GPM6A: variants seen among roughly 807,000 people sequenced by gnomAD.
GPM6A encodes neuronal membrane glycoprotein M6-a.
GPM6A carries 7 observed loss-of-function variants against 32.1 expected under a neutral mutation model. The ratio of observed to expected loss-of-function variants is 0.22; its 90% CI spans 0.12 to 0.41. The LOEUF (loss-of-function observed/expected upper bound fraction) is 0.41, where lower values mean the gene tolerates loss of function less well. Among genes scored for constraint, GPM6A ranks in the 10% least tolerant of loss-of-function variants. GPM6A has a pLI of 1.00. For synonymous variants in GPM6A, 130 were observed against 123.4 expected, an observed-to-expected ratio of 1.05 and a Z score of -0.35; for missense variants, 235 against 347.2, an observed-to-expected ratio of 0.68 and a Z score of 2.57.
intron 1 of GPM6A, among the ~76,000 whole-genome samples, chr4:175,959,557 G>A (rs1028768010): frequency 2.0e-5 from 3 of 152,158 alleles, no homozygotes; most frequent in Admixed American, 6.5e-5. Context: ...AGCTTTAGGA[G>A]AACTGGGATG....
At chr4:175,769,500 G>C (rs1451419473) in intron 1 of GPM6A, among the ~76,000 whole-genome samples, 1 of 152,124 alleles carries the variant, frequency 6.6e-6, no homozygotes, top group Non-Finnish European at 1.5e-5. Context: ...ACAAATCAAT[G>C]GACCTTTTTG....
intron 4 of GPM6A, among the ~76,000 whole-genome samples, chr4:175,650,710 CACACAGCTAGTTGGCTA>C: frequency 6.6e-6 from 1 of 152,250 alleles, no homozygotes; most frequent in East Asian, 1.9e-4. Flanking sequence ...CTGTTCTGAA[CACACAGCTAGTTGGCTA>C]CCCTATAATC....
intron 1 of GPM6A, among the ~76,000 whole-genome samples, chr4:175,830,135 G>C (rs143566878): frequency 6.6e-6 from 1 of 152,200 alleles, no homozygotes; most frequent in Non-Finnish European, 1.5e-5. Context: ...TGAATATGGA[G>C]AGGTGGGGGC....
intron 1 of GPM6A, among the ~76,000 whole-genome samples, chr4:175,867,632 T>C (rs1472981877): frequency 6.6e-6 from 1 of 152,232 alleles, no homozygotes; most frequent in Admixed American, 6.5e-5. Context: ...TCTATTTCTA[T>C]TTCCATAGAT....
rs1278017761 is a variant in GPM6A, at chr4:175,745,902, A to T, written c.38-44135T>A. On this transcript the variant is annotated intron_variant, in intron 1 of 6. Coordinates refer to ENST00000393658, the MANE Select transcript of GPM6A (RefSeq NM_201591.3). Reference sequence around the variant, plus strand: ...TATTCAGAGTGGCATAGTCAGATTTATATTTTAGAGAGATCACGCTGTTTA... The same window carrying T: ...TATTCAGAGTGGCATAGTCAGATTTTTATTTTAGAGAGATCACGCTGTTTA... Among the ~76,000 whole-genome samples the T allele has an allele frequency of 2.0e-5, 3 of 152,150 alleles. No homozygotes were observed. The East Asian group carries it at 5.8e-4, about 29-fold the overall frequency.
intron 6 of GPM6A, among the ~76,000 whole-genome samples, chr4:175,636,124 A>T (rs1046235164): frequency 1.3e-5 from 2 of 151,612 alleles, no homozygotes; most frequent in Non-Finnish European, 2.9e-5. Context: ...CACTATAAAT[A>T]ACCTATTTTT....
At chr4:175,788,892 T>C (rs946040313) in intron 1 of GPM6A, among the ~76,000 whole-genome samples, 4 of 152,160 alleles carry the variant, frequency 2.6e-5, no homozygotes, top group Non-Finnish European at 5.9e-5. Context: ...ATTAGAGCCA[T>C]AGCTCCATAC....
chr4:175,827,550 A>G (rs1405006158), intron 1 of GPM6A, among the ~76,000 whole-genome samples: 3 of 152,238 alleles, frequency 2.0e-5, no homozygotes, highest in African/African-American at 4.8e-5. Flanking sequence ...CACTGCTTCT[A>G]TGAAGCAGGC....
chr4:175,942,809 C>T (rs186309182), intron 1 of GPM6A, among the ~76,000 whole-genome samples: 8 of 152,038 alleles, frequency 5.3e-5, no homozygotes, highest in Non-Finnish European at 7.4e-5. Context: ...AGTCAGGTAG[C>T]GTGATGCCTC....
intron 1 of GPM6A, among the ~76,000 whole-genome samples, chr4:175,832,542 C>T (rs1310427603): frequency 2.0e-5 from 3 of 152,012 alleles, no homozygotes; most frequent in Non-Finnish European, 4.4e-5. Context: ...CCCACAGGAG[C>T]TTAAAGTCTG....
intron 1 of GPM6A, among the ~76,000 whole-genome samples, chr4:175,754,147 T>C (rs1732441267): frequency 6.6e-6 from 1 of 152,184 alleles, no homozygotes; most frequent in Admixed American, 6.6e-5. Context: ...TCCCTTCCCA[T>C]GCCCTGCTAA....
intron 1 of GPM6A, among the ~76,000 whole-genome samples, chr4:175,927,117 A>G (rs1328613675): frequency 6.6e-6 from 1 of 152,264 alleles, no homozygotes; most frequent in African/African-American, 2.4e-5. Context: ...CATGTGGAAA[A>G]TGTTTTTACT....
At chr4:175,641,356 C>CA (rs1199771237) in intron 4 of GPM6A, 1 of 153,794 alleles carries the variant, frequency 6.5e-6, no homozygotes, top group Non-Finnish European at 1.4e-5. Flanking sequence ...GTTCATAGAC[C>CA]AACAGCATTA....
intron 3 of GPM6A, among the ~76,000 whole-genome samples, chr4:175,672,266 A>G (rs1165340702): frequency 2.0e-5 from 3 of 152,124 alleles, no homozygotes; most frequent in Non-Finnish European, 4.4e-5. Flanking sequence ...TTTTTTCGTT[A>G]GGGTTTTAGA....
chr4:175,726,468 T>C (rs1212100143), intron 1 of GPM6A, among the ~76,000 whole-genome samples: 1 of 152,238 alleles, frequency 6.6e-6, no homozygotes, highest in African/African-American at 2.4e-5. Context: ...TAAATTCTAA[T>C]GAATATTTTT....
upstream of GPM6A, chr4:175,812,298 GGGGTTTTTT>G (rs1734952965): frequency 3.7e-3 from 648 of 174,400 alleles, 103 homozygotes; most frequent in African/African-American, 4.6e-3. Flanking sequence ...GGAAAAACTG[GGGGTTTTTT>G]TTTTTTTTTT....
chr4:175,785,959 T>C (rs1347635645), intron 1 of GPM6A, among the ~76,000 whole-genome samples: 4 of 151,646 alleles, frequency 2.6e-5, no homozygotes, highest in African/African-American at 7.3e-5. Flanking sequence ...CAGAAGCAAT[T>C]ATAATAGAGT....
intron 2 of GPM6A, among the ~76,000 whole-genome samples, chr4:175,677,566 G>A (rs1444847757): frequency 6.6e-6 from 1 of 151,908 alleles, no homozygotes; most frequent in Non-Finnish European, 1.5e-5. Context: ...GAAGAATTTG[G>A]CCAAAAAAAG....
intron 1 of GPM6A, among the ~76,000 whole-genome samples, chr4:175,963,243 G>A (rs1354392580): frequency 1.3e-5 from 2 of 152,056 alleles, no homozygotes; most frequent in East Asian, 3.8e-4. Flanking sequence ...AAAAATACTT[G>A]AAGCAATAAT....
Sources: allele counts gnomAD v4.1 joint callset (sites outside exome capture counted in the v4.1 genomes callset), GRCh38; gene constraint gnomAD v4.1.1; transcripts MANE v1.5; gene names NCBI Gene and HGNC (gene_info 2026-07-23, HGNC 2026-07-21).